SGSM1: variants seen among roughly 807,000 people sequenced by gnomAD.
SGSM1 encodes the protein RUN and TBC1 domain containing 2.
A neutral mutation model predicts 133.8 loss-of-function variants in SGSM1; 73 were observed. That is an observed-to-expected ratio of 0.55 (90% CI 0.45 to 0.66). The LOEUF is 0.66. Among genes scored for constraint, SGSM1 ranks in the 30% least tolerant of loss-of-function variants. The pLI, the probability that SGSM1 is intolerant of heterozygous loss-of-function variation, is 0.00. For missense variants in SGSM1, 1,213 were observed against 1,448.1 expected, an observed-to-expected ratio of 0.84 and a Z score of 2.64; for synonymous variants, 563 against 573.0, an observed-to-expected ratio of 0.98 and a Z score of 0.25.
Position 24,835,108 on chromosome 22 carries a change from TC to T in SGSM1, c.64-9784del, listed in dbSNP as rs1034603440. Among the ~76,000 whole-genome samples, 16 of 152,124 alleles carry T rather than the reference TC, an allele frequency of 1.1e-4. 1 individual carries two copies. Among genetic ancestry groups the T allele is most frequent in the African/African-American group, 3.9e-4 (16 of 41,420 alleles). ...CCATACTGCCCTTGGTGGTGATGTT[TC>T]CCCCTGCAAAGTTAATTTTGCTGTT... is the stretch of plus-strand genomic sequence containing the variant. On this transcript the variant is annotated intron_variant, in intron 2 of 24. Coordinates refer to ENST00000400358, the MANE Select transcript of SGSM1 (RefSeq NM_001098497.3).
At chr22:24,807,278 T>C (rs1003612959) in intron 2 of SGSM1, among the ~76,000 whole-genome samples, 1 of 152,146 alleles carries the variant, frequency 6.6e-6, no homozygotes, top group Non-Finnish European at 1.5e-5. Context: ...TATACCTGCA[T>C]GGGTGAGGAC....
chr22:24,841,130 G>C (rs574993416), intron 2 of SGSM1, among the ~76,000 whole-genome samples: 2 of 152,204 alleles, frequency 1.3e-5, no homozygotes, highest in African/African-American at 2.4e-5. Context: ...GATTACAGGC[G>C]TGAGCCACCG....
At chr22:24,883,774 T>G (rs1932455237) in intron 14 of SGSM1, among the ~76,000 whole-genome samples, 1 of 152,088 alleles carries the variant, frequency 6.6e-6, no homozygotes, top group Non-Finnish European at 1.5e-5. Flanking sequence ...CTGGGCAAGA[T>G]GGTGAAACCT....
intron 15 of SGSM1, among the ~76,000 whole-genome samples, chr22:24,886,284 C>G (rs1343552500): frequency 6.6e-6 from 1 of 151,912 alleles, no homozygotes; most frequent in East Asian, 1.9e-4. Flanking sequence ...ACTGGTAATC[C>G]CAGCTACTCG....
At chr22:24,855,913 C>CCATCCATCCATCCACCCATCTTTA (rs1166327926) in intron 8 of SGSM1, 4 of 683,042 alleles carry the variant, frequency 5.9e-6, no homozygotes, top group Non-Finnish European at 1.0e-5. Context: ...ATTGTCACAA[C>CCATCCATCCATCCACCCATCTTTA]CATCCATCCA....
chr22:24,806,399 C>A, intron 1 of SGSM1, 42 bp from the exon 2 acceptor site: 2 of 1,513,568 alleles, frequency 1.3e-6, no homozygotes, highest in Non-Finnish European at 1.8e-6. Flanking sequence ...GCCCCCGCAC[C>A]CTCTCTCGGC....
At chr22:24,817,242 C>G (rs1928148794) in intron 2 of SGSM1, among the ~76,000 whole-genome samples, 1 of 152,116 alleles carries the variant, frequency 6.6e-6, no homozygotes, top group South Asian at 2.1e-4. Context: ...TACTATGTGC[C>G]AGGTGATTAT....
At chr22:24,893,091 A>T (rs1432508349) in intron 16 of SGSM1, among the ~76,000 whole-genome samples, 2 of 148,818 alleles carry the variant, frequency 1.3e-5, no homozygotes, top group Non-Finnish European at 3.0e-5. Context: ...GAGGGGGGGG[A>T]GGGAAAGAAA....
At chr22:24,873,893 G>A (rs1358295881) in intron 12 of SGSM1, among the ~76,000 whole-genome samples, 3 of 152,054 alleles carry the variant, frequency 2.0e-5, no homozygotes, top group Non-Finnish European at 4.4e-5. Flanking sequence ...TAGGATCTTG[G>A]CTCCTCTCCT....
chr22:24,866,999 A>G lies in SGSM1; in HGVS notation c.927-94A>G, dbSNP rs73879151. Reference sequence around the variant, plus strand: ...GCTGGGGACCTAATGGGAAGGGTGGAGGAGCTCCTGGTTGTGGTCTGCTGG... The same window carrying G: ...GCTGGGGACCTAATGGGAAGGGTGGGGGAGCTCCTGGTTGTGGTCTGCTGG... On this transcript the variant is annotated intron_variant, in intron 9 of 24. Transcript: ENST00000400358. 826 of 1,150,180 alleles carry G rather than the reference A, an allele frequency of 7.2e-4. 4 individuals are homozygous for G. In the African/African-American group the frequency reaches 0.012, roughly 16 times the overall value. The allele number at this position is 1,150,180 out of a possible 1,614,324, so 71.2% of individuals were successfully genotyped here.
rs1030895819 is a variant in SGSM1 at position 24,806,254 on chromosome 22, C to G, written c.-72C>G. The G allele has an allele frequency of 1.5e-6, 2 of 1,349,008 alleles. No homozygotes were observed. The highest frequency in any genetic ancestry group is 3.1e-5 in the African/African-American group (2 of 64,938). The allele number at this position is 1,349,008 out of a possible 1,614,324, so 83.6% of individuals were successfully genotyped here. A position where few individuals can be genotyped will look rare whatever the true frequency, so the allele number is the denominator to read the frequency against. On this transcript the variant is annotated 5_prime_UTR_variant, in exon 1 of 25. Coordinates refer to ENST00000400358, the MANE Select transcript of SGSM1 (RefSeq NM_001098497.3). ...CCCCGCCGCGGCTGCAGCAGCAGCG[C>G]CGCGGCCGGAGGAGCTACCGCCGCC...
chr22:24,868,349 G>T, intron 10 of SGSM1, 27 bp from the exon 11 acceptor site: 1 of 1,597,538 alleles, frequency 6.3e-7, no homozygotes, highest in South Asian at 1.1e-5. Flanking sequence ...CTTCCACTGG[G>T]TCTTCTCTGG....
intron 19 of SGSM1, among the ~76,000 whole-genome samples, chr22:24,899,723 G>A (rs1019837988): frequency 3.0e-4 from 46 of 151,780 alleles, no homozygotes; most frequent in Admixed American, 5.3e-4. Context: ...GGGTTTCACC[G>A]GGTTGGCCAG....
chr22:24,834,921 G>C (rs552149799), intron 2 of SGSM1, among the ~76,000 whole-genome samples: 2 of 152,144 alleles, frequency 1.3e-5, no homozygotes, highest in African/African-American at 4.8e-5. Context: ...TGCCTCCTCT[G>C]CCAGCGGGGA....
chr22:24,877,834 T>A (rs141250907), intron 13 of SGSM1, among the ~76,000 whole-genome samples: 1,544 of 119,108 alleles, frequency 0.013, 22 homozygotes, highest in African/African-American at 0.044. Flanking sequence ...TTTTTGAGAC[T>A]GAGTCTCTTT....
chr22:24,880,191 A>G (rs151150807), intron 14 of SGSM1, among the ~76,000 whole-genome samples: 1,763 of 151,826 alleles, frequency 0.012, 17 homozygotes, highest in African/African-American at 0.04. Flanking sequence ...CTGGAGTGCA[A>G]TGGCTTGATC....
intron 16 of SGSM1, among the ~76,000 whole-genome samples, chr22:24,888,472 T>TA (rs760983562): frequency 6.6e-6 from 1 of 152,078 alleles, no homozygotes; most frequent in Non-Finnish European, 1.5e-5. Flanking sequence ...CTTGCACTGT[T>TA]AAAAAACAGC....
At chr22:24,849,973 A>G (rs1467780841) in intron 4 of SGSM1, among the ~76,000 whole-genome samples, 2 of 152,024 alleles carry the variant, frequency 1.3e-5, no homozygotes, top group Non-Finnish European at 2.9e-5. Flanking sequence ...CTGGGGACCC[A>G]ATGAAGGATC....
chr22:24,818,739 C>G lies in SGSM1; in HGVS notation c.63+12255C>G, dbSNP rs562176990. Reference sequence around the variant, plus strand: ...ACTGGGTCTGTAACTCCCTGCAGAACGGTGTGATACAGAGATGATTGCAAT... The same window carrying G: ...ACTGGGTCTGTAACTCCCTGCAGAAGGGTGTGATACAGAGATGATTGCAAT... On this transcript the variant is annotated intron_variant, in intron 2 of 24. Coordinates refer to ENST00000400358, the MANE Select transcript of SGSM1 (RefSeq NM_001098497.3). Among the ~76,000 whole-genome samples, 14 of 152,204 alleles carry G rather than the reference C, an allele frequency of 9.2e-5. No individual in the cohort carries two copies. In the South Asian group the frequency reaches 2.9e-3, roughly 32 times the overall value.
Sources: allele counts gnomAD v4.1 joint callset (sites outside exome capture counted in the v4.1 genomes callset), GRCh38; gene constraint gnomAD v4.1.1; transcripts MANE v1.5; gene names NCBI Gene and HGNC (gene_info 2026-07-23, HGNC 2026-07-21).